PA2G4: variants seen among roughly 807,000 people sequenced by gnomAD.
PA2G4 encodes proliferation-associated 2G4.
PA2G4 carries 8 observed loss-of-function variants against 53.3 expected under a neutral mutation model. The observed-to-expected ratio is 0.15, with a 90% CI of 0.09 to 0.27. PA2G4 has a LOEUF of 0.27. PA2G4 is among the 10% of genes least tolerant of loss of function. The pLI, the probability that PA2G4 is intolerant of heterozygous loss-of-function variation, is 1.00. For missense variants in PA2G4, 208 were observed against 486.8 expected, an observed-to-expected ratio of 0.43 and a Z score of 5.39; for synonymous variants, 143 against 169.8, an observed-to-expected ratio of 0.84 and a Z score of 1.23.
In PA2G4 at chr12:56,109,792, G is replaced by A. The variant is rs1869380643; in HGVS notation, c.551-65G>A. ...GCCTACCACTTCAAACTACTGAAGT[G>A]GGTGGATTTGGAAACCTTTTGGGAT... On this transcript the variant is annotated intron_variant, in intron 6 of 12. Coordinates refer to ENST00000303305, the MANE Select transcript of PA2G4 (RefSeq NM_006191.3). 17 of 1,110,350 alleles carry A rather than the reference G, an allele frequency of 1.5e-5. 1 individual carries two copies. The highest frequency in any genetic ancestry group is 2.2e-5 in the Non-Finnish European group (16 of 720,680). The allele number at this position is 1,110,350 out of a possible 1,614,324, so 68.8% of individuals were successfully genotyped here. A position where few individuals can be genotyped will look rare whatever the true frequency, so the allele number is the denominator to read the frequency against.
At chr12:56,106,811 C>A in intron 2 of PA2G4, 95 bp downstream of exon 2, 5 of 1,454,288 alleles carry the variant, frequency 3.4e-6, no homozygotes, top group Non-Finnish European at 4.6e-6. Flanking sequence ...AGTCCCCACC[C>A]CAGCTCTGGC....
chr12:56,104,728 T>C lies in PA2G4; in HGVS notation c.-10T>C. ...AGGGGAAACGAGGCTGCAGTGGTGG[T>C]AGTAGGAAGATGTCGGGCGAGGACG... is the stretch of plus-strand genomic sequence containing the variant. On this transcript the variant is annotated 5_prime_UTR_variant, in exon 1 of 13. Coordinates refer to ENST00000303305, the MANE Select transcript of PA2G4 (RefSeq NM_006191.3). 2 of 1,612,286 alleles carry C rather than the reference T, an allele frequency of 1.2e-6. No homozygotes were observed. The highest frequency in any genetic ancestry group is 1.7e-6 in the Non-Finnish European group (2 of 1,178,830).
Position 56,110,781 on chromosome 12 carries a change from T to C in PA2G4, c.842+89T>C, listed in dbSNP as rs1869404020. On this transcript the variant is annotated intron_variant, in intron 9 of 12. Transcript: ENST00000303305. ...TTTCCTCTCCCTTCCTGCCTAGACT[T>C]GTAGCGTGCATGTGCTCACTCCCTC... 13 of 1,522,012 alleles carry C rather than the reference T, an allele frequency of 8.5e-6. No homozygotes were observed. The East Asian group carries it at 2.9e-4, about 34-fold the overall frequency. 94.3% of individuals were successfully genotyped at this position (1,522,012 alleles called of 1,614,324 possible).
At chr12:56,112,117 A>C (rs903839365) in intron 12 of PA2G4, among the ~76,000 whole-genome samples, 5 of 152,178 alleles carry the variant, frequency 3.3e-5, no homozygotes, top group Admixed American at 3.3e-4. Context: ...TCTGTCTCCA[A>C]AAAAGAGATG....
Position 56,113,740 on chromosome 12 carries a change from C to T in PA2G4, c.*852C>T. 1 of 667,942 alleles carries T rather than the reference C, an allele frequency of 1.5e-6. No homozygotes were observed. The highest frequency in any genetic ancestry group is 2.7e-6 in the Non-Finnish European group (1 of 370,078). 41.4% of individuals were successfully genotyped at this position (667,942 alleles called of 1,614,324 possible). On this transcript the variant is annotated 3_prime_UTR_variant, in exon 13 of 13. Transcript: ENST00000303305. Reference sequence around the variant, plus strand: ...GACTGAAGACACAACTCCTGGCTTTCTGAAGCTATGGACTTGGATTGGATT... The same window carrying T: ...GACTGAAGACACAACTCCTGGCTTTTTGAAGCTATGGACTTGGATTGGATT...
rs1369519783 is a variant in PA2G4, at chr12:56,113,802, A to G, written c.*914A>G. 7 of 700,168 alleles carry G rather than the reference A, an allele frequency of 1.0e-5. No homozygotes were observed. Among genetic ancestry groups the G allele is most frequent in the African/African-American group, 5.3e-5 (3 of 57,116 alleles). 43.4% of individuals were successfully genotyped at this position (700,168 alleles called of 1,614,324 possible). On this transcript the variant is annotated 3_prime_UTR_variant, in exon 13 of 13. Coordinates refer to ENST00000303305, the MANE Select transcript of PA2G4 (RefSeq NM_006191.3). ...GTAGAGAAAGGTGACAAATTTCAGT[A>G]CCTCTGGCATGCTGTCCCAGGAAAC... is the stretch of plus-strand genomic sequence containing the variant.
At chr12:56,110,852 C>A in intron 9 of PA2G4, 112 bp from the exon 10 acceptor site, 2 of 1,324,610 alleles carry the variant, frequency 1.5e-6, no homozygotes, top group Non-Finnish European at 1.1e-6. Flanking sequence ...TGTAAAAGAG[C>A]AATCCTAAGC....
At position 56,113,617 on chromosome 12, in the gene PA2G4, A is replaced by G; in HGVS notation, c.*729A>G. ...GGGGTCTTTCCTCGCTCCATCTTACACAGACCTGAGCTGGAAGCTCAACTG... is the reference window on the plus strand; with the variant it reads ...GGGGTCTTTCCTCGCTCCATCTTACGCAGACCTGAGCTGGAAGCTCAACTG... On this transcript the variant is annotated 3_prime_UTR_variant, in exon 13 of 13. Coordinates refer to ENST00000303305, the MANE Select transcript of PA2G4 (RefSeq NM_006191.3). The G allele has an allele frequency of 7.1e-6, 4 of 564,384 alleles. No homozygotes were observed. Among genetic ancestry groups the G allele is most frequent in the Non-Finnish European group, 1.2e-5 (4 of 321,276 alleles). 35.0% of individuals were successfully genotyped at this position (564,384 alleles called of 1,614,324 possible).
chr12:56,112,869 A>G lies in PA2G4; in HGVS notation c.1166A>G (p.Glu389Gly). Reference protein sequence around the residue: ...ENATSGETLEENEAGD With the variant: ...ENATSGETLEGNEAGD ...GCCACCAGTGGGGAAACATTAGAAGAAAATGAAGCTGGGGACTGAGGTGGG... is the reference window on the plus strand; with the variant it reads ...GCCACCAGTGGGGAAACATTAGAAGGAAATGAAGCTGGGGACTGAGGTGGG... Residue 389 changes from glutamate (E) to glycine (G), a missense_variant, in exon 13 of 13, where the codon GAA becomes GGA. Physicochemically the swap from Glu to Gly is moderately conservative, Grantham distance 98. This residue lies in a region of PA2G4 where 50 missense variants were observed against 82.3 expected (regional missense o/e 0.61). Coordinates refer to ENST00000303305, the MANE Select transcript of PA2G4 (RefSeq NM_006191.3). 3.2e-6 allele frequency: 5 copies of G among 1,575,368 alleles called. No homozygotes were observed. The highest frequency in any genetic ancestry group is 1.2e-5 in the South Asian group (1 of 85,048).
chr12:56,107,466 C>A, intron 4 of PA2G4, 55 bp from the exon 5 acceptor site: 1 of 1,317,624 alleles, frequency 7.6e-7, no homozygotes, highest in Non-Finnish European at 1.1e-6. Context: ...ACCAGATAGC[C>A]AGCTGAGTTA....
At chr12:56,107,951 C>T (rs1006483756) in intron 5 of PA2G4, among the ~76,000 whole-genome samples, 1 of 152,154 alleles carries the variant, frequency 6.6e-6, no homozygotes, top group South Asian at 2.1e-4. Flanking sequence ...ATCACCTGAG[C>T]CTGGGAGATT....
chr12:56,107,682 A>G (rs1869329889), intron 5 of PA2G4, 69 bp downstream of exon 5: 2 of 1,012,472 alleles, frequency 2.0e-6, no homozygotes, highest in South Asian at 2.6e-5. Flanking sequence ...TAGCTACTCT[A>G]TATGAAACTA....
intron 1 of PA2G4, 192 bp from the exon 2 acceptor site, chr12:56,106,396 T>C: frequency 2.0e-6 from 1 of 488,568 alleles, no homozygotes; most frequent in Non-Finnish European, 3.4e-6. Context: ...AGGCCTTGCC[T>C]AGGGAGATGG....
At chr12:56,111,098 A>G in intron 10 of PA2G4, 40 bp downstream of exon 10, 1 of 1,612,488 alleles carries the variant, frequency 6.2e-7, no homozygotes, top group Non-Finnish European at 8.5e-7. Flanking sequence ...TTCCCTGATT[A>G]TAAGATATCC....
intron 11 of PA2G4, 25 bp from the exon 12 acceptor site, chr12:56,111,451 T>G (rs746698573): frequency 6.2e-7 from 1 of 1,612,580 alleles, no homozygotes. Flanking sequence ...TCTCAAAATT[T>G]TTTTCCCTTC....
In PA2G4 at chr12:56,112,860, CATT is replaced by C. The variant is rs1286998937; in HGVS notation, c.1159_1161del (p.Leu387del). On this transcript the variant is annotated inframe_deletion, in exon 13 of 13. Coordinates refer to ENST00000303305, the MANE Select transcript of PA2G4 (RefSeq NM_006191.3). ...GCAGAGAATGCCACCAGTGGGGAAA[CATT>C]AGAAGAAAATGAAGCTGGGGACTGA... 4.4e-6 allele frequency: 7 copies of C among 1,576,214 alleles called. No individual in the cohort carries two copies. Among genetic ancestry groups the C allele is most frequent in the Middle Eastern group, 1.7e-4 (1 of 5,984 alleles).
At position 56,112,822 on chromosome 12, in the gene PA2G4, G is replaced by T; in HGVS notation, c.1120-1G>T. 1 of 1,583,104 alleles carries T rather than the reference G, an allele frequency of 6.3e-7. No homozygotes were observed. Among genetic ancestry groups the T allele is most frequent in the East Asian group, 2.4e-5 (1 of 42,024 alleles). ...TCTCCCTCTCCTTTTCTTGCATATA[G>T]GCCTCCAAGACTGCAGAGAATGCCA... is the stretch of plus-strand genomic sequence containing the variant. On this transcript the variant is annotated splice_acceptor_variant, in intron 12 of 12. Transcript: ENST00000303305. LOFTEE classifies it high-confidence loss of function.
chr12:56,105,450 C>T (rs1324373650), intron 1 of PA2G4, among the ~76,000 whole-genome samples: 1 of 152,252 alleles, frequency 6.6e-6, no homozygotes, highest in East Asian at 1.9e-4. Flanking sequence ...TTGGAGAGCA[C>T]TCCTGGAGCT....
Position 56,107,797 on chromosome 12 carries a change from G to C in PA2G4, c.486+184G>C, listed in dbSNP as rs1869332412. 2.0e-5 allele frequency among the ~76,000 whole-genome samples: 3 copies of C among 152,362 alleles called. No individual in the cohort carries two copies. The South Asian group carries it at 6.2e-4, about 32-fold the overall frequency. ...TAATCCCATCACTTTGGGGGGCCAA[G>C]GTAGGAGGATAGCTTGAGGCTGGGA... is the stretch of plus-strand genomic sequence containing the variant. On this transcript the variant is annotated intron_variant, in intron 5 of 12. Transcript: ENST00000303305.
Sources: allele counts gnomAD v4.1 joint callset (sites outside exome capture counted in the v4.1 genomes callset), GRCh38; gene constraint gnomAD v4.1.1; regional missense constraint gnomAD v4.1.1; transcripts MANE v1.5; gene names NCBI Gene and HGNC (gene_info 2026-07-23, HGNC 2026-07-21).